Variants in PCDHA8 observed in about 807,000 individuals in gnomAD.
The protein encoded by PCDHA8 is protocadherin alpha 8.
Under a neutral mutation model 61.8 loss-of-function variants are expected in PCDHA8, and 53 were observed. The observed-to-expected ratio is 0.86, with a 90% CI of 0.69 to 1.08. PCDHA8 has a LOEUF of 1.08. PCDHA8 is among the 50% of genes least tolerant of loss of function. The pLI is 0.00. For missense variants in PCDHA8, 1,293 were observed against 1,245.0 expected, an observed-to-expected ratio of 1.04 and a Z score of -0.58; for synonymous variants, 618 against 556.6, an observed-to-expected ratio of 1.11 and a Z score of -1.55.
intron 3 of PCDHA8, among the ~76,000 whole-genome samples, chr5:141,000,804 G>A (rs2097964510): frequency 6.6e-6 from 1 of 151,886 alleles, no homozygotes; most frequent in African/African-American, 2.4e-5. Flanking sequence ...CTACTCAGAA[G>A]GCTGAGGTGG....
chr5:140,968,868 A>G, intron 1 of PCDHA8: 6 of 1,614,140 alleles, frequency 3.7e-6, no homozygotes, highest in Non-Finnish European at 5.1e-6. Flanking sequence ...CCTCGGACAT[A>G]CTCTGAAATT....
At chr5:140,910,959 A>C (rs1188143214) in intron 1 of PCDHA8, among the ~76,000 whole-genome samples, 1 of 151,944 alleles carries the variant, frequency 6.6e-6, no homozygotes, top group African/African-American at 2.4e-5. Flanking sequence ...CGAGTGTAGC[A>C]CACCTCCTCA....
chr5:140,885,152 T>C (rs1182560213), intron 1 of PCDHA8, among the ~76,000 whole-genome samples: 1 of 152,206 alleles, frequency 6.6e-6, no homozygotes, highest in African/African-American at 2.4e-5. Context: ...CTGTTTTGAT[T>C]GTCTCTACTT....
chr5:140,988,206 G>GA (rs200168674), intron 3 of PCDHA8, among the ~76,000 whole-genome samples: 41 of 150,634 alleles, frequency 2.7e-4, no homozygotes, highest in Admixed American at 4.6e-4. Flanking sequence ...TCCTTATTAG[G>GA]AAAAAAAAAT....
intron 1 of PCDHA8, chr5:140,868,176 CAT>C (rs1246417615): frequency 2.0e-5 from 3 of 152,006 alleles, no homozygotes; most frequent in African/African-American, 7.2e-5. Flanking sequence ...TTTGATATCT[CAT>C]ATTATGCTAC....
At chr5:140,861,094 C>G (rs1554154151) in intron 1 of PCDHA8, 1 of 152,400 alleles carries the variant, frequency 6.6e-6, no homozygotes, top group African/African-American at 2.4e-5. Context: ...CTCCATTGTT[C>G]CTGTACTTTA....
At chr5:141,005,689 G>A (rs980293858) in intron 3 of PCDHA8, among the ~76,000 whole-genome samples, 12 of 95,950 alleles carry the variant, frequency 1.3e-4, no homozygotes, top group African/African-American at 4.3e-4. Context: ...GCGACAGAGC[G>A]AAACTCCGTC....
intron 1 of PCDHA8, among the ~76,000 whole-genome samples, chr5:140,937,039 CTTT>C (rs34994034): frequency 1.4e-5 from 2 of 140,152 alleles, no homozygotes; most frequent in African/African-American, 5.3e-5. Flanking sequence ...TTCCATTTAT[CTTT>C]TTTTTTTTTT....
chr5:140,851,165 G>T, intron 1 of PCDHA8: 1 of 1,284,508 alleles, frequency 7.8e-7, no homozygotes, highest in Non-Finnish European at 1.0e-6. Flanking sequence ...ATGCTATGCT[G>T]CCATAACACT....
intron 1 of PCDHA8, chr5:140,929,152 T>TA (rs1322546333): frequency 2.5e-6 from 4 of 1,614,072 alleles, no homozygotes; most frequent in Non-Finnish European, 3.4e-6. Flanking sequence ...TTCTCAGACT[T>TA]ATCTCTATCG....
At chr5:140,926,654 C>G (rs2083445492) in intron 1 of PCDHA8, 1 of 514,022 alleles carries the variant, frequency 1.9e-6, no homozygotes, top group Non-Finnish European at 3.1e-6. Flanking sequence ...GCCGGCTCCG[C>G]TTTCCCAGAC....
intron 1 of PCDHA8, chr5:140,930,064 C>G (rs2153602971): frequency 6.6e-6 from 1 of 152,306 alleles, no homozygotes; most frequent in Non-Finnish European, 1.5e-5. Context: ...TACACAAAAA[C>G]TGTAAGCCTC....
At chr5:140,863,765 G>A (rs1385785601) in intron 1 of PCDHA8, 4 of 242,444 alleles carry the variant, frequency 1.6e-5, no homozygotes, top group African/African-American at 4.5e-5. Flanking sequence ...TTGGGAAGCC[G>A]AGGCGGGCGG....
chr5:140,860,681 T>G (rs2046516125), intron 1 of PCDHA8: 1 of 152,216 alleles, frequency 6.6e-6, no homozygotes, highest in Non-Finnish European at 1.5e-5. Context: ...TGCACTTATG[T>G]TTTGAGCGAC....
rs367685277 is a variant in PCDHA8 at position 140,871,336 on chromosome 5, G to A, written c.2394+27621G>A. 5.0e-6 allele frequency: 8 copies of A among 1,614,062 alleles called. No homozygotes were observed. The African/African-American group carries it at 9.3e-5, about 19-fold the overall frequency. On this transcript the variant is annotated intron_variant, in intron 1 of 3. Transcript: ENST00000531613. ...CACGCTGGTGTGCTCCCGCGCGGTG[G>A]GGAGCTGGTCATACTCGCAGCAGAG...
intron 2 of PCDHA8, among the ~76,000 whole-genome samples, chr5:140,981,054 G>T (rs1024298698): frequency 1.3e-5 from 2 of 152,182 alleles, no homozygotes; most frequent in Admixed American, 1.3e-4. Flanking sequence ...GATAATTCTA[G>T]AGTGTAGACA....
chr5:140,991,879 G>A (rs1464021872), intron 3 of PCDHA8, among the ~76,000 whole-genome samples: 1 of 152,174 alleles, frequency 6.6e-6, no homozygotes, highest in Non-Finnish European at 1.5e-5. Flanking sequence ...TCCTAGGGCT[G>A]CCATAACAAA....
chr5:140,842,503 C>A lies in PCDHA8; in HGVS notation c.1182C>A (p.Pro394=). 6.2e-7 allele frequency: 1 copy of A among 1,613,836 alleles called. No individual in the cohort carries two copies. The change falls in exon 1 of 4, where the codon CCC becomes CCA. Residue 394 remains proline (P), a synonymous_variant. Transcript: ENST00000531613. ...CCTGCTCCCTGATGCCCCATGTCCC[C>A]TTCAAGCTGGTGTCCACCTTCAAGA... ...QVTCSLMPHV[P]FKLVSTFKNY...
At chr5:140,876,231 A>G (rs1428769390) in intron 1 of PCDHA8, 1 of 1,613,886 alleles carries the variant, frequency 6.2e-7, no homozygotes, top group African/African-American at 1.3e-5. Context: ...TGTTGTCTGA[A>G]AATGTCCAAA....
Sources: gnomAD v4.1 joint callset for allele counts (sites outside exome capture counted in the v4.1 genomes callset) on GRCh38, gnomAD v4.1.1 for gene constraint, MANE v1.5 for transcripts, NCBI Gene and HGNC (gene_info 2026-07-23, HGNC 2026-07-21) for gene names.